The following NT5C1A variants were observed in gnomAD, a reference collection of about 807,000 sequenced individuals.
NT5C1A encodes the protein cytosolic 5'-nucleotidase 1A.
In NT5C1A, 18 loss-of-function variants were observed where a neutral mutation model predicts 31.0. The ratio of observed to expected loss-of-function variants is 0.58; its 90% CI spans 0.40 to 0.86. The LOEUF (loss-of-function observed/expected upper bound fraction) is 0.86, where lower values mean the gene tolerates loss of function less well. Among genes scored for constraint, NT5C1A ranks in the 40% least tolerant of loss-of-function variants. The pLI is 0.00. For missense variants in NT5C1A, 470 were observed against 505.4 expected (o/e 0.93, Z 0.67); for synonymous variants, 185 against 203.6 (o/e 0.91, Z 0.78).
At chr1:39,661,335 A>C (rs543995823) in intron 4 of NT5C1A, 72 bp from the exon 5 acceptor site, 2 of 750,350 alleles carry the variant, frequency 2.7e-6, no homozygotes, top group Admixed American at 2.1e-5. Flanking sequence ...ATCTTAGGCT[A>C]TCCTTGCCCC....
intron 1 of NT5C1A, 129 bp downstream of exon 1, chr1:39,671,775 C>A (rs1646553479): frequency 5.4e-6 from 6 of 1,104,402 alleles, no homozygotes; most frequent in Non-Finnish European, 7.8e-6. Context: ...AGCTGCAGGG[C>A]GCATTCTGGG....
At chr1:39,659,528 C>T in intron 5 of NT5C1A, 42 bp from the exon 6 acceptor site, 1 of 1,517,310 alleles carries the variant, frequency 6.6e-7, no homozygotes. Context: ...CTACCACCTC[C>T]TAAATATTTG....
In NT5C1A at chr1:39,659,504, G is replaced by T. The variant is rs753591333; in HGVS notation, c.742-18C>A. ...AAGGGGCCCTATGAGAAGGCAAGGG[G>T]AACATTGTTAGCTCTACCACCTCCT... On this transcript the variant is annotated intron_variant, in intron 5 of 5. Transcript: ENST00000235628. 2 of 1,538,450 alleles carry T rather than the reference G, an allele frequency of 1.3e-6. No homozygotes were observed. Among genetic ancestry groups the T allele is most frequent in the South Asian group, 1.3e-5 (1 of 79,090 alleles).
rs375088027 is a variant in NT5C1A, at chr1:39,672,059, C to G, written c.-21G>C. ...TCCATGCTCCGGCTCTGACCCGGCCCGGCCAGAGCAGGCGGCGGCGTAGAC... is the reference window on the plus strand; with the variant it reads ...TCCATGCTCCGGCTCTGACCCGGCCGGGCCAGAGCAGGCGGCGGCGTAGAC... On this transcript the variant is annotated 5_prime_UTR_variant, in exon 1 of 6. Coordinates refer to ENST00000235628, the MANE Select transcript of NT5C1A (RefSeq NM_032526.3). The G allele has an allele frequency of 6.4e-6, 10 of 1,559,292 alleles. No individual in the cohort carries two copies. Among genetic ancestry groups the G allele is most frequent in the South Asian group, 5.8e-5 (5 of 86,808 alleles).
At chr1:39,671,412 G>C (rs935326332) in intron 1 of NT5C1A, among the ~76,000 whole-genome samples, 1 of 152,224 alleles carries the variant, frequency 6.6e-6, no homozygotes, top group African/African-American at 2.4e-5. Context: ...TTAGGACGCG[G>C]GGAGCGCACT....
At position 39,663,375 on chromosome 1, in the gene NT5C1A, C is replaced by T; in HGVS notation, c.493G>A (p.Ala165Thr). Reference protein sequence around the residue: ...GGNSPICYLKAYHTNLYLSAD... With the variant: ...GGNSPICYLKTYHTNLYLSAD... The stretch of plus-strand genomic sequence containing the variant: ...GACAAGTAGAGGTTGGTGTGATAGG[C>T]CTTGAGGTAGCAGATCGGGCTGTTC... Residue 165 changes from alanine (A) to threonine (T), a missense_variant, in exon 4 of 6, where the codon GCC becomes ACC. By Grantham distance (58) the Ala-to-Thr change is moderately conservative. Transcript: ENST00000235628. The T allele has an allele frequency of 6.2e-7, 1 of 1,614,122 alleles. No individual in the cohort carries two copies. The highest frequency in any genetic ancestry group is 8.5e-7 in the Non-Finnish European group (1 of 1,180,028).
chr1:39,659,467 A>G lies in NT5C1A; in HGVS notation c.761T>C (p.Leu254Pro), dbSNP rs201045130. Residue 254 changes from leucine to proline, a missense_variant, in exon 6 of 6, where the codon CTG (leucine) becomes CCG (proline). Leu to Pro is a moderately conservative substitution (Grantham distance 98). Transcript: ENST00000235628. ...PLAQGPLKGF[L>P]EALGRLQKKF... ...CTTCTGCAACCTACCCAGTGCCTCCAGAAAGCCCTTTAAGGGGCCCTATGA... is the reference window on the plus strand; with the variant it reads ...CTTCTGCAACCTACCCAGTGCCTCCGGAAAGCCCTTTAAGGGGCCCTATGA... 88 of 1,586,126 alleles carry G rather than the reference A, an allele frequency of 5.5e-5. No individual in the cohort carries two copies. The Admixed American group carries it at 7.9e-4, about 14-fold the overall frequency.
At position 39,658,745 on chromosome 1, in the gene NT5C1A, A is replaced by T. The variant is rs539864622; in HGVS notation, c.*376T>A. On this transcript the variant is annotated 3_prime_UTR_variant, in exon 6 of 6. Transcript: ENST00000235628. ...CAGTTAATACCAGGACAGAGCTTAG[A>T]AGCCAGATCCACTCTCTCCCATAGC... is the stretch of plus-strand genomic sequence containing the variant. Among the ~76,000 whole-genome samples, 16 of 152,122 alleles carry T rather than the reference A, an allele frequency of 1.1e-4. No individual in the cohort carries two copies. Among genetic ancestry groups the T allele is most frequent in the Non-Finnish European group, 2.1e-4 (14 of 68,026 alleles).
chr1:39,663,232 CG>C, intron 4 of NT5C1A, 79 bp downstream of exon 4: 1 of 1,546,392 alleles, frequency 6.5e-7, no homozygotes, highest in Non-Finnish European at 8.9e-7. Flanking sequence ...AGCACCTGCT[CG>C]GAACTTCAGG....
At chr1:39,667,196 CTT>C (rs5773668) in intron 1 of NT5C1A, among the ~76,000 whole-genome samples, 8,889 of 105,222 alleles carry the variant, frequency 0.084, 323 homozygotes, top group African/African-American at 0.14. Context: ...CTTTCCCCCT[CTT>C]TTTTTTTTTT....
chr1:39,667,727 C>A (rs1466945521), intron 1 of NT5C1A, among the ~76,000 whole-genome samples: 1 of 152,116 alleles, frequency 6.6e-6, no homozygotes, highest in African/African-American at 2.4e-5. Flanking sequence ...TGATCCAACC[C>A]CAAGACAGAG....
intron 1 of NT5C1A, 23 bp from the exon 2 acceptor site, chr1:39,666,259 G>A: frequency 6.2e-7 from 1 of 1,611,132 alleles, no homozygotes; most frequent in Non-Finnish European, 8.5e-7. Context: ...GGGAGAAGGG[G>A]TTGTCACTCA....
chr1:39,665,622 C>G lies in NT5C1A; in HGVS notation c.332G>C (p.Arg111Pro). ...GTCCTCACTATCAGGGTACAGCTCC[C>G]GCAGCCGCCTGTTCACGGCCTCCAG... ...KALEAVNRRL[R>P]ELYPDSEDVF... The change falls in exon 3 of 6, where the codon CGG becomes CCG. Residue 111 changes from arginine to proline, a missense_variant. Physicochemically the swap from Arg to Pro is moderately radical, Grantham distance 103. Transcript: ENST00000235628. The G allele has an allele frequency of 1.2e-6, 2 of 1,613,246 alleles. No individual in the cohort carries two copies. The highest frequency in any genetic ancestry group is 1.7e-6 in the Non-Finnish European group (2 of 1,179,930).
rs115717457 is a variant in NT5C1A, at chr1:39,656,289, G to A, written c.*2832C>T. Among the ~76,000 whole-genome samples, 1,300 of 152,190 alleles carry A rather than the reference G, an allele frequency of 8.5e-3. 15 individuals carry two copies. Among genetic ancestry groups the A allele is most frequent in the African/African-American group, 0.03 (1,254 of 41,492 alleles). On this transcript the variant is annotated 3_prime_UTR_variant, in exon 6 of 6. Coordinates refer to ENST00000235628, the MANE Select transcript of NT5C1A (RefSeq NM_032526.3). Reference sequence around the variant, plus strand: ...TGTTCACCTGGCTTTTTAATTTACTGGTGAACAACACTCAATGTTCCTCAT... The same window carrying A: ...TGTTCACCTGGCTTTTTAATTTACTAGTGAACAACACTCAATGTTCCTCAT...
rs572503885 is a variant in NT5C1A, at chr1:39,655,034, C to T, written c.*4087G>A. Among the ~76,000 whole-genome samples, 40 of 152,216 alleles carry T rather than the reference C, an allele frequency of 2.6e-4. No individual in the cohort carries two copies. Among genetic ancestry groups the T allele is most frequent in the African/African-American group, 7.9e-4 (33 of 41,538 alleles). On this transcript the variant is annotated 3_prime_UTR_variant, in exon 6 of 6. Transcript: ENST00000235628. The stretch of plus-strand genomic sequence containing the variant: ...TCGGTTCACTGCAACCTCCGCCTTC[C>T]GGGTTCAAGTGATCCTCCTGCCTCA...
Position 39,671,934 on chromosome 1 carries a change from G to A in NT5C1A, c.105C>T (p.Asp35=), listed in dbSNP as rs1397223967. Residue 35 remains aspartate (D), a synonymous_variant, in exon 1 of 6, where the codon GAC becomes GAT. Coordinates refer to ENST00000235628, the MANE Select transcript of NT5C1A (RefSeq NM_032526.3). ...TGGGTTTCTTCTTGGGCGCGAGGTT[G>A]TCGTAGAAAATCTTGGCTTCCTCCC... ...PVWEEAKIFY[D]NLAPKKKPKS... The A allele has an allele frequency of 3.7e-6, 6 of 1,613,372 alleles. No homozygotes were observed. The highest frequency in any genetic ancestry group is 5.1e-6 in the Non-Finnish European group (6 of 1,179,904).
rs1386989876 is a variant in NT5C1A, at chr1:39,656,504, T to C, written c.*2617A>G. ...TCTCCATTGCCCAGGGCTGTCTGTGTCTATTAATGATGGCTCCAGTGAAAT... is the reference window on the plus strand; with the variant it reads ...TCTCCATTGCCCAGGGCTGTCTGTGCCTATTAATGATGGCTCCAGTGAAAT... On this transcript the variant is annotated 3_prime_UTR_variant, in exon 6 of 6. Transcript: ENST00000235628. Among the ~76,000 whole-genome samples the C allele has an allele frequency of 2.0e-5, 3 of 152,248 alleles. No homozygotes were observed. Among genetic ancestry groups the C allele is most frequent in the Non-Finnish European group, 4.4e-5 (3 of 68,042 alleles).
chr1:39,659,749 T>A (rs1236013811), intron 5 of NT5C1A, among the ~76,000 whole-genome samples: 2 of 152,220 alleles, frequency 1.3e-5, no homozygotes, highest in Admixed American at 1.3e-4. Context: ...CATATGCCCA[T>A]CAAGGTATAC....
intron 1 of NT5C1A, among the ~76,000 whole-genome samples, chr1:39,668,219 G>A (rs1646533399): frequency 6.6e-6 from 1 of 152,230 alleles, no homozygotes; most frequent in South Asian, 2.1e-4. Flanking sequence ...CAGGAGCTGA[G>A]CTTGCTCCAC....
Sources: allele counts gnomAD v4.1 joint callset (sites outside exome capture counted in the v4.1 genomes callset), GRCh38; gene constraint gnomAD v4.1.1; transcripts MANE v1.5; gene names NCBI Gene and HGNC (gene_info 2026-07-23, HGNC 2026-07-21).